Variants in ROBO1 observed in about 807,000 individuals in gnomAD.
ROBO1 encodes the protein roundabout homolog 1.
Under a neutral mutation model 195.9 loss-of-function variants are expected in ROBO1, and 149 were observed. The ratio of observed to expected loss-of-function variants is 0.76; its 90% confidence interval spans 0.67 to 0.87. The LOEUF (loss-of-function observed/expected upper bound fraction) is 0.87, where lower values mean the gene tolerates loss of function less well. Ranked by LOEUF, ROBO1 falls within the 40% of genes least tolerant of loss-of-function variation. The pLI, the probability that ROBO1 is intolerant of heterozygous loss-of-function variation, is 0.00. For synonymous variants in ROBO1, 816 were observed against 733.2 expected, an observed-to-expected ratio of 1.11 and a Z score of -1.82; for missense variants, 1,933 against 2,068.3, an observed-to-expected ratio of 0.93 and a Z score of 1.27.
At chr3:79,673,164 T>C (rs1169506999) in intron 1 of ROBO1, among the ~76,000 whole-genome samples, 1 of 152,024 alleles carries the variant, frequency 6.6e-6, no homozygotes, top group East Asian at 1.9e-4. Context: ...AAAAATTGAT[T>C]TGTTGTTTTA....
chr3:78,799,343 G>GT (rs2084284601), intron 4 of ROBO1, among the ~76,000 whole-genome samples: 1 of 150,458 alleles, frequency 6.6e-6, no homozygotes, highest in Non-Finnish European at 1.5e-5. Context: ...TTGTTTTTTT[G>GT]TTTTTTGTTT....
intron 2 of ROBO1, among the ~76,000 whole-genome samples, chr3:79,159,284 T>G (rs2080913108): frequency 6.6e-6 from 1 of 151,982 alleles, no homozygotes; most frequent in African/African-American, 2.4e-5. Flanking sequence ...TAATATCAAT[T>G]TTATTTCCAA....
intron 3 of ROBO1, among the ~76,000 whole-genome samples, chr3:79,016,385 G>A (rs1481411134): frequency 6.6e-6 from 1 of 151,936 alleles, no homozygotes; most frequent in Non-Finnish European, 1.5e-5. Context: ...GAAAAACTTA[G>A]GTTTACAAAA....
intron 1 of ROBO1, among the ~76,000 whole-genome samples, chr3:79,612,738 G>A (rs34003735): frequency 0.28 from 38,901 of 141,368 alleles, 6,172 homozygotes; most frequent in African/African-American, 0.45. Flanking sequence ...GGTGTGAGAT[G>A]GTATCTCATT....
At chr3:79,165,662 C>G (rs2081050899) in intron 2 of ROBO1, among the ~76,000 whole-genome samples, 1 of 152,114 alleles carries the variant, frequency 6.6e-6, no homozygotes, top group African/African-American at 2.4e-5. Context: ...AAGTTTTACC[C>G]TAAAGAAATA....
chr3:79,135,428 GA>G (rs202168479), intron 2 of ROBO1, among the ~76,000 whole-genome samples: 11 of 150,856 alleles, frequency 7.3e-5, no homozygotes, highest in African/African-American at 2.4e-4. Flanking sequence ...AAGCCTTTCT[GA>G]AAAAAAAATT....
intron 2 of ROBO1, among the ~76,000 whole-genome samples, chr3:79,508,506 A>G (rs1345850268): frequency 2.0e-5 from 3 of 152,200 alleles, no homozygotes; most frequent in Non-Finnish European, 4.4e-5. Context: ...TCAGTAACAA[A>G]GATCTTTGAA....
At chr3:78,923,708 T>C (rs939529578) in intron 4 of ROBO1, among the ~76,000 whole-genome samples, 1 of 152,024 alleles carries the variant, frequency 6.6e-6, no homozygotes, top group Non-Finnish European at 1.5e-5. Context: ...GAGAAATCTG[T>C]CCCCATAGGA....
At chr3:79,118,309 G>C (rs1402161565) in intron 3 of ROBO1, among the ~76,000 whole-genome samples, 1 of 142,368 alleles carries the variant, frequency 7.0e-6, no homozygotes, top group Non-Finnish European at 1.5e-5. Context: ...TAATTTTCTT[G>C]CATAAATTGC....
intron 1 of ROBO1, among the ~76,000 whole-genome samples, chr3:79,763,638 T>C (rs1048668538): frequency 9.2e-5 from 14 of 152,248 alleles, no homozygotes; most frequent in African/African-American, 3.4e-4. Context: ...CCTGGCTACA[T>C]ATGCACAAAT....
At chr3:78,975,938 A>T (rs946806542) in intron 3 of ROBO1, among the ~76,000 whole-genome samples, 8 of 152,210 alleles carry the variant, frequency 5.3e-5, no homozygotes, top group South Asian at 2.1e-4. Context: ...GGTTTAAGGC[A>T]GCATAAAGAC....
rs1329451867 is a variant in ROBO1 at position 78,981,174 on chromosome 3, G to T, written c.173-42247C>A. On this transcript the variant is annotated intron_variant, in intron 3 of 30. Coordinates refer to ENST00000464233, the MANE Select transcript of ROBO1 (RefSeq NM_002941.4). ...ATTGAGTATGCATACTTAATCATAT[G>T]CCATTCTACATAATTAAATAAATTA... Among the ~76,000 whole-genome samples, 11 of 152,114 alleles carry T rather than the reference G, an allele frequency of 7.2e-5. 1 individual carries two copies. The highest frequency in any genetic ancestry group is 1.3e-4 in the Non-Finnish European group (9 of 68,018).
chr3:79,401,687 A>G (rs1349752575), intron 2 of ROBO1, among the ~76,000 whole-genome samples: 1 of 151,916 alleles, frequency 6.6e-6, no homozygotes, highest in Admixed American at 6.6e-5. Context: ...AGATCAGTGT[A>G]CTAACTATGC....
At chr3:78,878,043 A>G (rs919376926) in intron 4 of ROBO1, among the ~76,000 whole-genome samples, 1 of 152,028 alleles carries the variant, frequency 6.6e-6, no homozygotes, top group Non-Finnish European at 1.5e-5. Flanking sequence ...CACCTTATCA[A>G]TTTTCACTAA....
At chr3:78,929,636 G>A (rs1287664448) in intron 4 of ROBO1, among the ~76,000 whole-genome samples, 1 of 151,802 alleles carries the variant, frequency 6.6e-6, no homozygotes, top group Admixed American at 6.6e-5. Context: ...CTGTGTAGCT[G>A]GGATTACAGG....
Position 79,683,409 on chromosome 3 carries a change from T to C in ROBO1, c.-51+84343A>G, listed in dbSNP as rs55811854. 8.4e-3 allele frequency among the ~76,000 whole-genome samples: 1,275 copies of C among 152,194 alleles called. 11 individuals are homozygous for C. Among genetic ancestry groups the C allele is most frequent in the African/African-American group, 0.03 (1,227 of 41,562 alleles). On this transcript the variant is annotated intron_variant, in intron 1 of 30. Coordinates refer to ENST00000464233, the MANE Select transcript of ROBO1 (RefSeq NM_002941.4). Reference sequence around the variant, plus strand: ...CTCTAGTAATTTGAATGTGGAAAATTGAGATCAACTACATGTGAATCAGAA... The same window carrying C: ...CTCTAGTAATTTGAATGTGGAAAATCGAGATCAACTACATGTGAATCAGAA...
chr3:78,839,553 A>G lies in ROBO1; in HGVS notation c.500-92653T>C, dbSNP rs1018332500. Reference sequence around the variant, plus strand: ...AAATATTAGGATAAAAAAGACAAATAGTAATATTCATTAAATAATTTTCTA... The same window carrying G: ...AAATATTAGGATAAAAAAGACAAATGGTAATATTCATTAAATAATTTTCTA... On this transcript the variant is annotated intron_variant, in intron 4 of 30. Transcript: ENST00000464233. 8.5e-5 allele frequency among the ~76,000 whole-genome samples: 13 copies of G among 152,110 alleles called. No homozygotes were observed. The East Asian group carries it at 2.5e-3, about 29-fold the overall frequency.
Position 78,597,870 on chromosome 3 carries a change from AT to A in ROBO1, c.*1042del, listed in dbSNP as rs72399578. The A allele has an allele frequency of 0.1, 15,332 of 146,694 alleles. 915 individuals carry two copies. Among genetic ancestry groups the A allele is most frequent in the African/African-American group, 0.15 (5,997 of 39,730 alleles). The allele number at this position is 146,694 out of a possible 1,614,324, so 9.1% of individuals were successfully genotyped here. A position where few individuals can be genotyped will look rare whatever the true frequency, so the allele number is the denominator to read the frequency against. ...AAACAGGTTAAAAACGCTTCTCAAC[AT>A]TTTTTTTTTCAATAAGACAAAAAAG... is the stretch of plus-strand genomic sequence containing the variant. On this transcript the variant is annotated 3_prime_UTR_variant, in exon 31 of 31. Coordinates refer to ENST00000464233, the MANE Select transcript of ROBO1 (RefSeq NM_002941.4).
chr3:79,447,860 G>T (rs1042396931), intron 2 of ROBO1, among the ~76,000 whole-genome samples: 5 of 152,018 alleles, frequency 3.3e-5, no homozygotes, highest in Admixed American at 6.6e-5. Context: ...AAGAATTTAC[G>T]TGGGTGGTGG....
Sources: gnomAD v4.1 joint callset for allele counts (sites outside exome capture counted in the v4.1 genomes callset) on GRCh38, gnomAD v4.1.1 for gene constraint, MANE v1.5 for transcripts, NCBI Gene and HGNC (gene_info 2026-07-23, HGNC 2026-07-21) for gene names.